The following FBXL14 variants were observed in gnomAD, a reference collection of about 807,000 sequenced individuals.
FBXL14 encodes the protein F-box and leucine rich repeat protein 14, also known as F-box/LRR-repeat protein 14.
FBXL14 carries 11 observed loss-of-function variants against 24.5 expected under a neutral mutation model. The observed-to-expected ratio is 0.45, with a 90% confidence interval of 0.28 to 0.74. FBXL14 has a LOEUF of 0.74. Ranked by LOEUF, FBXL14 falls within the 30% of genes least tolerant of loss-of-function variation. FBXL14 has a pLI of 0.12. For missense variants in FBXL14, 384 were observed against 545.6 expected, an observed-to-expected ratio of 0.70 and a Z score of 2.95; for synonymous variants, 294 against 240.4, an observed-to-expected ratio of 1.22 and a Z score of -2.06.
Position 1,566,521 on chromosome 12 carries a change from A to G in FBXL14, c.*227T>C, listed in dbSNP as rs990207229. Reference sequence around the variant, plus strand: ...TGAAAAAGCAAGTCTCCTTGGATCCATAAAGGAAGCGAGGTCTCAGAGCAA... The same window carrying G: ...TGAAAAAGCAAGTCTCCTTGGATCCGTAAAGGAAGCGAGGTCTCAGAGCAA... On this transcript the variant is annotated 3_prime_UTR_variant, in exon 2 of 2. Transcript: ENST00000339235. 4 of 456,576 alleles carry G rather than the reference A, an allele frequency of 8.8e-6. No homozygotes were observed. The highest frequency in any genetic ancestry group is 2.0e-5 in the African/African-American group (1 of 50,172). 28.3% of individuals were successfully genotyped at this position (456,576 alleles called of 1,614,324 possible). A position where few individuals can be genotyped will look rare whatever the true frequency, so the allele number is the denominator to read the frequency against.
intron 1 of FBXL14, among the ~76,000 whole-genome samples, chr12:1,580,532 TG>T (rs149098418): frequency 1.2e-4 from 18 of 151,598 alleles, no homozygotes; most frequent in Admixed American, 3.9e-4. Context: ...GAAAACATAG[TG>T]GGGGGGGAGG....
At position 1,594,054 on chromosome 12, in the gene FBXL14, T is replaced by C; in HGVS notation, c.13A>G (p.Ile5Val). The change falls in exon 1 of 2, where the codon ATC becomes GTC. Residue 5 changes from isoleucine to valine, a missense_variant. Physicochemically the swap from Ile to Val is conservative, Grantham distance 29. Transcript: ENST00000339235. METH[I>V]SCLFPELLAM... is the part of the protein sequence containing the mutation. ...AGCAGCTCCGGGAACAGGCATGAGA[T>C]GTGGGTCTCCATCTTCCTCCTCCCC... is the stretch of plus-strand genomic sequence containing the variant. 1 of 1,508,396 alleles carries C rather than the reference T, an allele frequency of 6.6e-7. No individual in the cohort carries two copies. Among genetic ancestry groups the C allele is most frequent in the Non-Finnish European group, 8.8e-7 (1 of 1,137,124 alleles). The allele number at this position is 1,508,396 out of a possible 1,614,324, so 93.4% of individuals were successfully genotyped here.
intron 1 of FBXL14, among the ~76,000 whole-genome samples, chr12:1,572,355 T>C (rs1366956258): frequency 6.6e-6 from 1 of 152,276 alleles, no homozygotes; most frequent in African/African-American, 2.4e-5. Flanking sequence ...AGGACACTTC[T>C]TGGCTCCCAA....
chr12:1,568,536 C>T (rs1592452122), intron 1 of FBXL14, among the ~76,000 whole-genome samples: 1 of 152,090 alleles, frequency 6.6e-6, no homozygotes, highest in Non-Finnish European at 1.5e-5. Context: ...TAACAGATAA[C>T]TGTTCAAAGT....
intron 1 of FBXL14, among the ~76,000 whole-genome samples, chr12:1,585,368 A>G (rs1302803971): frequency 2.0e-5 from 3 of 151,708 alleles, no homozygotes; most frequent in Admixed American, 2.0e-4. Flanking sequence ...ACTGTACTCC[A>G]GCCTGGGCGA....
chr12:1,577,350 G>A (rs986654791), intron 1 of FBXL14, among the ~76,000 whole-genome samples: 6 of 152,066 alleles, frequency 3.9e-5, no homozygotes, highest in African/African-American at 1.4e-4. Flanking sequence ...GGGCAGTGGG[G>A]TCAGGTGAAG....
intron 1 of FBXL14, among the ~76,000 whole-genome samples, chr12:1,585,347 A>G (rs1293582479): frequency 1.3e-5 from 2 of 151,956 alleles, no homozygotes; most frequent in Admixed American, 1.3e-4. Flanking sequence ...GCAGTGAGCC[A>G]AGATTGTGCC....
intron 1 of FBXL14, among the ~76,000 whole-genome samples, chr12:1,585,454 A>G (rs935897779): frequency 2.0e-5 from 3 of 152,244 alleles, no homozygotes; most frequent in Non-Finnish European, 2.9e-5. Flanking sequence ...TTTGAGGCCA[A>G]GATTTCCTAA....
chr12:1,586,713 A>G (rs757117715), intron 1 of FBXL14, among the ~76,000 whole-genome samples: 1 of 152,222 alleles, frequency 6.6e-6, no homozygotes, highest in Non-Finnish European at 1.5e-5. Flanking sequence ...CACATCTGCC[A>G]GATTTGGGAA....
chr12:1,583,319 A>G (rs2094470326), intron 1 of FBXL14, among the ~76,000 whole-genome samples: 1 of 151,892 alleles, frequency 6.6e-6, no homozygotes, highest in Admixed American at 6.6e-5. Flanking sequence ...CAAACTCCCC[A>G]GATATGGCAA....
intron 1 of FBXL14, among the ~76,000 whole-genome samples, chr12:1,580,835 C>G (rs954856062): frequency 5.3e-5 from 8 of 152,114 alleles, no homozygotes; most frequent in African/African-American, 1.9e-4. Context: ...AGTGGAGGAG[C>G]GGGAAGGTGT....
At chr12:1,585,403 A>C (rs2154438177) in intron 1 of FBXL14, among the ~76,000 whole-genome samples, 1 of 152,260 alleles carries the variant, frequency 6.6e-6, no homozygotes, top group East Asian at 1.9e-4. Flanking sequence ...GTCTCAAAAA[A>C]AAAAAAAAAA....
At chr12:1,577,124 C>T (rs2094457465) in intron 1 of FBXL14, among the ~76,000 whole-genome samples, 2 of 152,236 alleles carry the variant, frequency 1.3e-5, no homozygotes. Context: ...TCTAGCAATG[C>T]TTAAGCAGGA....
intron 1 of FBXL14, among the ~76,000 whole-genome samples, chr12:1,591,691 A>G (rs1015224228): frequency 2.6e-5 from 4 of 152,198 alleles, no homozygotes; most frequent in Non-Finnish European, 5.9e-5. Flanking sequence ...TAAAACCCAC[A>G]AACTCCCATT....
At chr12:1,585,601 G>A (rs2094474993) in intron 1 of FBXL14, among the ~76,000 whole-genome samples, 1 of 152,154 alleles carries the variant, frequency 6.6e-6, no homozygotes, top group Non-Finnish European at 1.5e-5. Flanking sequence ...TTTTCCCACA[G>A]TCCAGTTCCA....
intron 1 of FBXL14, chr12:1,574,645 G>A: frequency 5.1e-6 from 1 of 194,448 alleles, no homozygotes; most frequent in Non-Finnish European, 1.1e-5. Context: ...GGGATCTGAA[G>A]TTCAAGTTCT....
chr12:1,582,334 G>C (rs769658347), intron 1 of FBXL14, among the ~76,000 whole-genome samples: 3 of 152,136 alleles, frequency 2.0e-5, no homozygotes, highest in Non-Finnish European at 4.4e-5. Flanking sequence ...CAGTTCTTCC[G>C]AGGAGCAGCT....
At position 1,566,597 on chromosome 12, in the gene FBXL14, G is replaced by A. The variant is rs1444681376; in HGVS notation, c.*151C>T. Reference sequence around the variant, plus strand: ...CCGGCAGGAGAATGCAGCTTCACAAGGTACCGGAGCAGAAGCCCTGGGCAG... The same window carrying A: ...CCGGCAGGAGAATGCAGCTTCACAAAGTACCGGAGCAGAAGCCCTGGGCAG... On this transcript the variant is annotated 3_prime_UTR_variant, in exon 2 of 2. Coordinates refer to ENST00000339235, the MANE Select transcript of FBXL14 (RefSeq NM_152441.3). 9.4e-6 allele frequency: 6 copies of A among 640,502 alleles called. No individual in the cohort carries two copies. 39.7% of individuals were successfully genotyped at this position (640,502 alleles called of 1,614,324 possible). A position where few individuals can be genotyped will look rare whatever the true frequency, so the allele number is the denominator to read the frequency against.
chr12:1,586,099 A>C (rs1045396559), intron 1 of FBXL14, among the ~76,000 whole-genome samples: 6 of 152,150 alleles, frequency 3.9e-5, no homozygotes, highest in African/African-American at 1.4e-4. Context: ...GGTTTCCTGA[A>C]TAACCCTATA....
Sources: gnomAD v4.1 joint callset for allele counts (sites outside exome capture counted in the v4.1 genomes callset) on GRCh38, gnomAD v4.1.1 for gene constraint, MANE v1.5 for transcripts, NCBI Gene and HGNC (gene_info 2026-07-23, HGNC 2026-07-21) for gene names.